EOGT: variants seen among roughly 807,000 people sequenced by gnomAD.
EOGT encodes the protein EGF domain specific O-linked N-acetylglucosamine transferase.
Under a neutral mutation model 70.5 loss-of-function variants are expected in EOGT, and 55 were observed. The ratio of observed to expected loss-of-function variants is 0.78; its 90% CI spans 0.63 to 0.98. The LOEUF is 0.98. Among genes scored for constraint, EOGT ranks in the 50% least tolerant of loss-of-function variants. EOGT has a pLI of 0.00. For missense variants in EOGT, 703 were observed against 641.9 expected, an observed-to-expected ratio of 1.10 and a Z score of -1.03; for synonymous variants, 246 against 217.1, an observed-to-expected ratio of 1.13 and a Z score of -1.17.
chr3:68,993,977 G>C (rs2091072423), intron 10 of EOGT, among the ~76,000 whole-genome samples: 1 of 152,144 alleles, frequency 6.6e-6, no homozygotes, highest in African/African-American at 2.4e-5. Flanking sequence ...TGGGAATTCT[G>C]GGAGATACAA....
chr3:68,997,860 T>C, intron 10 of EOGT, 151 bp downstream of exon 10: 1 of 556,158 alleles, frequency 1.8e-6, no homozygotes, highest in Non-Finnish European at 3.2e-6. Flanking sequence ...TCAACACATA[T>C]ATGTACAGAT....
chr3:68,978,019 T>C (rs988023090), intron 17 of EOGT, among the ~76,000 whole-genome samples: 1 of 152,232 alleles, frequency 6.6e-6, no homozygotes, highest in Non-Finnish European at 1.5e-5. Flanking sequence ...GGCATGACTG[T>C]GCTTTCTTTA....
At chr3:68,984,457 A>G (rs1396973111) in intron 14 of EOGT, among the ~76,000 whole-genome samples, 1 of 152,220 alleles carries the variant, frequency 6.6e-6, no homozygotes, top group Non-Finnish European at 1.5e-5. Context: ...TAGTTGCACG[A>G]AAAAGGTGGC....
intron 10 of EOGT, among the ~76,000 whole-genome samples, chr3:68,990,901 G>GAAAAAAAAA (rs10576244): frequency 7.5e-6 from 1 of 132,454 alleles, no homozygotes; most frequent in Non-Finnish European, 1.6e-5. Flanking sequence ...TGTTAGATGT[G>GAAAAAAAAA]AAAAAAAAAA....
chr3:68,982,922 T>C, intron 14 of EOGT, 50 bp from the exon 15 acceptor site: 1 of 1,479,944 alleles, frequency 6.8e-7, no homozygotes, highest in Non-Finnish European at 9.3e-7. Flanking sequence ...CTTTCACTTC[T>C]GTTTTTCCCT....
rs562651560 is a variant in EOGT at position 68,977,668 on chromosome 3, C to A, written c.1534G>T (p.Val512Leu). ...AATGGCCACTTTGGGTGTTGCAATA[C>A]GTGGTCTGCAGCCTGAAGGACAAGA... The part of the protein sequence containing the change: ...MYLVLQAADH[V>L]LQHPKWPFKK... Residue 512 changes from valine (V) to leucine (L), a missense_variant, in exon 18 of 18, where the codon GTA becomes TTA. By Grantham distance (32) the Val-to-Leu change is conservative (BLOSUM62 1). Coordinates refer to ENST00000383701, the MANE Select transcript of EOGT (RefSeq NM_001278689.2). 6.2e-7 allele frequency: 1 copy of A among 1,613,786 alleles called. No individual in the cohort carries two copies. The highest frequency in any genetic ancestry group is 8.5e-7 in the Non-Finnish European group (1 of 1,179,950).
chr3:68,980,306 A>T (rs2090602098), intron 15 of EOGT, among the ~76,000 whole-genome samples: 1 of 152,244 alleles, frequency 6.6e-6, no homozygotes, highest in Admixed American at 6.5e-5. Flanking sequence ...TGTGTGATTT[A>T]AGTTTTTATA....
intron 3 of EOGT, among the ~76,000 whole-genome samples, chr3:69,010,821 A>T (rs1445119892): frequency 6.6e-6 from 1 of 152,222 alleles, no homozygotes; most frequent in African/African-American, 2.4e-5. Context: ...CTGCTGAATA[A>T]AAAATTATAA....
At chr3:69,013,158 GGGTTCC>G (rs1250674189) in intron 1 of EOGT, among the ~76,000 whole-genome samples, 1 of 152,066 alleles carries the variant, frequency 6.6e-6, no homozygotes, top group Admixed American at 6.5e-5. Flanking sequence ...CGCCGCGCTG[GGGTTCC>G]GGACCCCGGG....
intron 6 of EOGT, among the ~76,000 whole-genome samples, chr3:69,006,789 G>A (rs192561275): frequency 2.6e-5 from 4 of 152,290 alleles, no homozygotes; most frequent in African/African-American, 9.6e-5. Flanking sequence ...ACTGAGGTAC[G>A]ATATGGTATG....
intron 14 of EOGT, among the ~76,000 whole-genome samples, chr3:68,984,807 CAG>C (rs1441360826): frequency 6.6e-6 from 1 of 152,184 alleles, no homozygotes; most frequent in Non-Finnish European, 1.5e-5. Flanking sequence ...GACTTCTCTG[CAG>C]TGGCCTGATG....
chr3:68,989,683 G>A (rs903564489), intron 10 of EOGT, among the ~76,000 whole-genome samples: 1 of 151,288 alleles, frequency 6.6e-6, no homozygotes, highest in African/African-American at 2.4e-5. Context: ...GGGAGGCGGG[G>A]GTTGCAGTGA....
At chr3:68,989,389 C>A (rs961937494) in intron 10 of EOGT, among the ~76,000 whole-genome samples, 3 of 142,196 alleles carry the variant, frequency 2.1e-5, no homozygotes, top group Non-Finnish European at 4.5e-5. Context: ...GCTCAGTGTG[C>A]AAAAACCATC....
rs200954368 is a variant in EOGT at position 68,982,908 on chromosome 3, C to T, written c.1153-36G>A. On this transcript the variant is annotated intron_variant, in intron 14 of 17. Coordinates refer to ENST00000383701, the MANE Select transcript of EOGT (RefSeq NM_001278689.2). ...AAGAGAAACATTTAGCATTTCTTTT[C>T]CTTCTTTCACTTCTGTTTTTCCCTT... The T allele has an allele frequency of 2.6e-6, 4 of 1,539,676 alleles. No homozygotes were observed. The East Asian group carries it at 9.2e-5, about 36-fold the overall frequency.
At position 69,007,820 on chromosome 3, in the gene EOGT, T is replaced by C. The variant is rs923620391; in HGVS notation, c.313A>G (p.Thr105Ala). 13 of 1,589,594 alleles carry C rather than the reference T, an allele frequency of 8.2e-6. No homozygotes were observed. Among genetic ancestry groups the C allele is most frequent in the African/African-American group, 1.4e-5 (1 of 73,456 alleles). ...TCCTCAGCTGACTCAAGAGTGTCCG[T>C]CCTATTTGCAAATAAAAATATTCTG... ...PVCSYVDMGW[T>A]DTLESAEDIF... The change falls in exon 6 of 18, where the codon ACG becomes GCG. Residue 105 changes from threonine (T) to alanine (A), a missense_variant and splice_region_variant. Physicochemically the swap from Thr to Ala is moderately conservative, Grantham distance 58. Transcript: ENST00000383701.
intron 5 of EOGT, 21 bp downstream of exon 5, chr3:69,008,407 G>A: frequency 6.6e-7 from 1 of 1,523,938 alleles, no homozygotes; most frequent in Non-Finnish European, 9.1e-7. Flanking sequence ...CTTGAAGAGG[G>A]TATTCCATAT....
At position 68,982,849 on chromosome 3, in the gene EOGT, T is replaced by C. The variant is rs372666074; in HGVS notation, c.1176A>G (p.Val392=). The part of the protein sequence containing the change: ...QNELVNALKT[V]STFEVQIVDY... ...CAACAATCTGGACTTCAAATGTAGA[T>C]ACTGTTTTCAGTGCATTTACAAGCT... Residue 392 remains valine, a synonymous_variant, in exon 15 of 18, where the codon GTA becomes GTG. Coordinates refer to ENST00000383701, the MANE Select transcript of EOGT (RefSeq NM_001278689.2). The C allele has an allele frequency of 2.5e-6, 4 of 1,604,622 alleles. No individual in the cohort carries two copies. Among genetic ancestry groups the C allele is most frequent in the South Asian group, 1.1e-5 (1 of 88,906 alleles).
chr3:68,986,797 A>AG (rs2090821435), intron 14 of EOGT, among the ~76,000 whole-genome samples: 1 of 152,176 alleles, frequency 6.6e-6, no homozygotes, highest in Non-Finnish European at 1.5e-5. Context: ...AAGCTCCATG[A>AG]GGTCAGGCAC....
At chr3:68,990,387 C>T (rs2090957421) in intron 10 of EOGT, among the ~76,000 whole-genome samples, 1 of 139,634 alleles carries the variant, frequency 7.2e-6, no homozygotes, top group Non-Finnish European at 1.5e-5. Flanking sequence ...GAGTCTCACC[C>T]TGTTGCCCAG....
Sources: gnomAD v4.1 joint callset for allele counts (sites outside exome capture counted in the v4.1 genomes callset) on GRCh38, gnomAD v4.1.1 for gene constraint, MANE v1.5 for transcripts, NCBI Gene and HGNC (gene_info 2026-07-23, HGNC 2026-07-21) for gene names.